The following TMEM135 variants were observed in gnomAD, a reference collection of about 807,000 sequenced individuals.
The protein encoded by TMEM135 is transmembrane protein 135.
TMEM135 carries 30 observed loss-of-function variants against 60.3 expected under a neutral mutation model. That is an observed-to-expected ratio of 0.50 (90% CI 0.37 to 0.68). The LOEUF (loss-of-function observed/expected upper bound fraction) is 0.68, where lower values mean the gene tolerates loss of function less well. TMEM135 is among the 30% of genes least tolerant of loss of function. TMEM135 has a pLI of 0.00. For missense variants in TMEM135, 468 were observed against 548.8 expected (o/e 0.85, Z 1.47); for synonymous variants, 190 against 186.7 (o/e 1.02, Z -0.14).
At chr11:87,145,680 T>C (rs1324365081) in intron 4 of TMEM135, among the ~76,000 whole-genome samples, 2 of 132,204 alleles carry the variant, frequency 1.5e-5, no homozygotes, top group Non-Finnish European at 3.2e-5. Context: ...TGCTAATTTC[T>C]GATGTTGATT....
In TMEM135 at chr11:87,259,053, G is replaced by A. The variant is rs1436442409; in HGVS notation, c.509+22369G>A. 9 of 1,392,000 alleles carry A rather than the reference G, an allele frequency of 6.5e-6. No individual in the cohort carries two copies. In the East Asian group the frequency reaches 1.8e-4, roughly 29 times the overall value. 86.2% of individuals were successfully genotyped at this position (1,392,000 alleles called of 1,614,324 possible). A position where few individuals can be genotyped will look rare whatever the true frequency, so the allele number is the denominator to read the frequency against. The stretch of plus-strand genomic sequence containing the variant: ...CTGCCCTGGGAAACCTGTACATTTT[G>A]TGAGCCACAAAGAGGGAGAGAAAGA... On this transcript the variant is annotated intron_variant, in intron 6 of 14. Transcript: ENST00000305494.
chr11:87,141,827 T>TG (rs1938270853), intron 4 of TMEM135, among the ~76,000 whole-genome samples: 1 of 152,020 alleles, frequency 6.6e-6, no homozygotes, highest in Non-Finnish European at 1.5e-5. Flanking sequence ...ACATTTAAAA[T>TG]TAAAAAAATT....
chr11:87,207,185 A>G (rs568603986), intron 5 of TMEM135, among the ~76,000 whole-genome samples: 1 of 152,314 alleles, frequency 6.6e-6, no homozygotes, highest in African/African-American at 2.4e-5. Flanking sequence ...CAACTCAGAT[A>G]TATTTTACAT....
chr11:87,273,401 A>G (rs1233120184), intron 6 of TMEM135, among the ~76,000 whole-genome samples: 1 of 151,968 alleles, frequency 6.6e-6, no homozygotes, highest in African/African-American at 2.4e-5. Flanking sequence ...ATCCTTTATT[A>G]TTTGCCATTT....
intron 6 of TMEM135, among the ~76,000 whole-genome samples, chr11:87,270,696 A>G (rs958571951): frequency 5.3e-5 from 8 of 152,170 alleles, no homozygotes; most frequent in Middle Eastern, 3.2e-3. Context: ...ACTCCAGAGC[A>G]CACTGTTCTT....
At chr11:87,144,235 A>G (rs1938343057) in intron 4 of TMEM135, among the ~76,000 whole-genome samples, 1 of 152,206 alleles carries the variant, frequency 6.6e-6, no homozygotes, top group African/African-American at 2.4e-5. Flanking sequence ...TTTACAATGA[A>G]TTATCCTGAT....
chr11:87,133,876 T>G (rs114105968), intron 4 of TMEM135, among the ~76,000 whole-genome samples: 2,620 of 152,332 alleles, frequency 0.017, 63 homozygotes, highest in East Asian at 0.07. Flanking sequence ...GGTTCATTTT[T>G]ATTGCCGATA....
chr11:87,170,852 C>T (rs1197893387), intron 5 of TMEM135, among the ~76,000 whole-genome samples: 1 of 152,132 alleles, frequency 6.6e-6, no homozygotes, highest in Admixed American at 6.5e-5. Flanking sequence ...TCAGAGCTGG[C>T]AGGCAGGAAC....
At chr11:87,289,223 T>A (rs1433968332) in intron 6 of TMEM135, among the ~76,000 whole-genome samples, 2 of 152,290 alleles carry the variant, frequency 1.3e-5, no homozygotes, top group South Asian at 2.1e-4. Context: ...GATGTTTTAA[T>A]ACATATATAG....
chr11:87,227,758 G>C (rs1328588795), intron 5 of TMEM135, among the ~76,000 whole-genome samples: 1 of 152,050 alleles, frequency 6.6e-6, no homozygotes, highest in Non-Finnish European at 1.5e-5. Flanking sequence ...ATACTTACTT[G>C]TTCAGTAAGA....
At chr11:87,191,275 C>G (rs1939792129) in intron 5 of TMEM135, among the ~76,000 whole-genome samples, 2 of 151,648 alleles carry the variant, frequency 1.3e-5, no homozygotes, top group Non-Finnish European at 1.5e-5. Flanking sequence ...GAGTCCCGCT[C>G]TTTCACCCAG....
chr11:87,119,529 G>T (rs1329532771), intron 4 of TMEM135, among the ~76,000 whole-genome samples: 1 of 152,198 alleles, frequency 6.6e-6, no homozygotes, highest in African/African-American at 2.4e-5. Context: ...ATGGCGAAAT[G>T]ATGTCTTTAC....
chr11:87,252,800 G>A (rs11235043), intron 6 of TMEM135, among the ~76,000 whole-genome samples: 2,897 of 60,906 alleles, frequency 0.048, 84 homozygotes, highest in African/African-American at 0.12. Context: ...AAATATATAT[G>A]TGTGTGTGTG....
At chr11:87,138,409 T>C (rs535515) in intron 4 of TMEM135, among the ~76,000 whole-genome samples, 72,988 of 152,014 alleles carry the variant, frequency 0.48, 17,812 homozygotes, top group East Asian at 0.67. Flanking sequence ...ATTTCATTAA[T>C]ATGAAAAGCT....
At chr11:87,197,676 G>A (rs7124448) in intron 5 of TMEM135, among the ~76,000 whole-genome samples, 15,862 of 151,862 alleles carry the variant, frequency 0.1, 1,083 homozygotes, top group East Asian at 0.18. Flanking sequence ...TGTCACTTGA[G>A]GCTATGCGTT....
chr11:87,315,798 G>A (rs1331605059), intron 12 of TMEM135, among the ~76,000 whole-genome samples: 1 of 151,944 alleles, frequency 6.6e-6, no homozygotes, highest in African/African-American at 2.4e-5. Context: ...GTTGACCCAT[G>A]AGTCTTTATT....
At chr11:87,153,720 A>T (rs1316391330) in intron 4 of TMEM135, among the ~76,000 whole-genome samples, 1 of 152,196 alleles carries the variant, frequency 6.6e-6, no homozygotes, top group African/African-American at 2.4e-5. Context: ...GGGCATTGTC[A>T]AATTGACTCT....
At chr11:87,154,611 A>C (rs1938642478) in intron 4 of TMEM135, among the ~76,000 whole-genome samples, 1 of 152,174 alleles carries the variant, frequency 6.6e-6, no homozygotes, top group Admixed American at 6.5e-5. Flanking sequence ...CAAGGGTTCC[A>C]ATTTCTCCAC....
At chr11:87,074,862 G>A (rs1400974853) in intron 3 of TMEM135, among the ~76,000 whole-genome samples, 2 of 152,092 alleles carry the variant, frequency 1.3e-5, no homozygotes, top group African/African-American at 4.8e-5. Context: ...GTCCTAAAAT[G>A]GCTTTTAATG....
Sources: allele counts gnomAD v4.1 joint callset (sites outside exome capture counted in the v4.1 genomes callset), GRCh38; gene constraint gnomAD v4.1.1; transcripts MANE v1.5; gene names NCBI Gene and HGNC (gene_info 2026-07-23, HGNC 2026-07-21).